The following ATF7 variants were observed in gnomAD, a reference collection of about 807,000 sequenced individuals.
The protein encoded by ATF7 is activating transcription factor 7, also known as cyclic AMP-dependent transcription factor ATF-7.
ATF7 carries 10 observed loss-of-function variants against 50.4 expected under a neutral mutation model. The ratio of observed to expected loss-of-function variants is 0.20; its 90% CI spans 0.12 to 0.34. The LOEUF is 0.34. ATF7 is among the 10% of genes least tolerant of loss of function. ATF7 has a pLI of 1.00. For synonymous variants in ATF7, 201 were observed against 226.4 expected, an observed-to-expected ratio of 0.89 and a Z score of 1.01; for missense variants, 465 against 613.9, an observed-to-expected ratio of 0.76 and a Z score of 2.56.
chr12:53,619,486 CA>C (rs112474373), intron 1 of ATF7, among the ~76,000 whole-genome samples: 123 of 64,044 alleles, frequency 1.9e-3, no homozygotes, highest in South Asian at 2.5e-3. Flanking sequence ...GACTCCGTGT[CA>C]AAAAAAAAAA....
At chr12:53,605,309 A>C (rs1943557079) in intron 1 of ATF7, among the ~76,000 whole-genome samples, 1 of 151,360 alleles carries the variant, frequency 6.6e-6, no homozygotes. Flanking sequence ...GAATTGCTTG[A>C]ACCCAGGAGG....
intron 2 of ATF7, among the ~76,000 whole-genome samples, chr12:53,570,545 G>C (rs1941689666): frequency 6.6e-6 from 1 of 152,138 alleles, no homozygotes; most frequent in South Asian, 2.1e-4. Flanking sequence ...CAACATACCA[G>C]GTGGCTTAAA....
At chr12:53,588,604 C>A (rs1249044966) in intron 2 of ATF7, among the ~76,000 whole-genome samples, 1 of 152,140 alleles carries the variant, frequency 6.6e-6, no homozygotes, top group Non-Finnish European at 1.5e-5. Context: ...GGGCATAAAA[C>A]TAAGGCGAGA....
intron 3 of ATF7, among the ~76,000 whole-genome samples, chr12:53,550,521 G>A (rs1463061687): frequency 6.6e-6 from 1 of 151,934 alleles, no homozygotes; most frequent in African/African-American, 2.4e-5. Flanking sequence ...AGACTTTGGA[G>A]GAATCCAAGC....
At chr12:53,526,416 C>T (rs1555216428) in intron 9 of ATF7, among the ~76,000 whole-genome samples, 30 of 151,888 alleles carry the variant, frequency 2.0e-4, no homozygotes. Context: ...AATATATTGT[C>T]TCTTCCTTAT....
intron 2 of ATF7, among the ~76,000 whole-genome samples, chr12:53,560,262 T>C (rs755496738): frequency 2.0e-5 from 3 of 151,982 alleles, no homozygotes; most frequent in East Asian, 1.9e-4. Flanking sequence ...ACAGGTATTA[T>C]AGTAAAAAAG....
chr12:53,535,751 AT>A (rs1307244459), intron 5 of ATF7, among the ~76,000 whole-genome samples: 1 of 152,124 alleles, frequency 6.6e-6, no homozygotes, highest in East Asian at 1.9e-4. Flanking sequence ...CTAGGATGAC[AT>A]TTTTTCGAAA....
intron 2 of ATF7, among the ~76,000 whole-genome samples, chr12:53,573,858 TG>T (rs1941909517): frequency 6.6e-6 from 1 of 152,082 alleles, no homozygotes; most frequent in Non-Finnish European, 1.5e-5. Context: ...CCCATCCAAG[TG>T]GGGAAAAGAA....
rs757255071 is a variant in ATF7 at position 53,515,145 on chromosome 12, G to A, written c.*1992C>T. 1.1e-4 allele frequency: 17 copies of A among 152,186 alleles called. No individual in the cohort carries two copies. The highest frequency in any genetic ancestry group is 3.1e-4 in the African/African-American group (13 of 41,422). The allele number at this position is 152,186 out of a possible 1,614,324, so 9.4% of individuals were successfully genotyped here. A position where few individuals can be genotyped will look rare whatever the true frequency, so the allele number is the denominator to read the frequency against. The stretch of plus-strand genomic sequence containing the variant: ...CCTGATGGTAGAGGATGAGAAAACC[G>A]TGTTTTCTCTCCTTTGTCTTTAGGG... On this transcript the variant is annotated 3_prime_UTR_variant, in exon 12 of 12. Transcript: ENST00000420353.
intron 11 of ATF7, 59 bp from the exon 12 acceptor site, chr12:53,517,413 G>C: frequency 6.7e-7 from 1 of 1,484,818 alleles, no homozygotes. Context: ...AATGGGGAAA[G>C]AGGCAGGACT....
chr12:53,570,687 T>C (rs1426543574), intron 2 of ATF7, among the ~76,000 whole-genome samples: 2 of 152,054 alleles, frequency 1.3e-5, no homozygotes, highest in Admixed American at 6.6e-5. Context: ...TGGCATTCCT[T>C]GACTTGTGGC....
In ATF7 at chr12:53,516,996, A is replaced by G. The variant is rs919875507; in HGVS notation, c.*141T>C. The G allele has an allele frequency of 3.0e-5, 28 of 941,076 alleles. No individual in the cohort carries two copies. Among genetic ancestry groups the G allele is most frequent in the Non-Finnish European group, 4.3e-5 (27 of 622,340 alleles). 58.3% of individuals were successfully genotyped at this position (941,076 alleles called of 1,614,324 possible). ...CATGACCACATGGCTAAAAAGCCCC[A>G]TATCTGTCCATTACTCACAACACAC... On this transcript the variant is annotated 3_prime_UTR_variant, in exon 12 of 12. Coordinates refer to ENST00000420353, the MANE Select transcript of ATF7 (RefSeq NM_006856.3).
intron 2 of ATF7, among the ~76,000 whole-genome samples, chr12:53,566,432 T>C (rs1361377355): frequency 6.6e-6 from 1 of 152,192 alleles, no homozygotes; most frequent in Non-Finnish European, 1.5e-5. Flanking sequence ...ATGCAGCTGG[T>C]ATTAAACCTG....
intron 2 of ATF7, among the ~76,000 whole-genome samples, chr12:53,568,604 T>C (rs1355312623): frequency 6.6e-6 from 1 of 152,196 alleles, no homozygotes; most frequent in Non-Finnish European, 1.5e-5. Context: ...AACCATAAAC[T>C]GGTCAAGTGC....
At chr12:53,519,475 G>A (rs571114276) in intron 11 of ATF7, among the ~76,000 whole-genome samples, 1 of 152,126 alleles carries the variant, frequency 6.6e-6, no homozygotes, top group East Asian at 1.9e-4. Context: ...ACAGAGGTGG[G>A]CAGATCACAT....
intron 2 of ATF7, among the ~76,000 whole-genome samples, chr12:53,579,242 T>TCAAAAAAAAAAA: frequency 2.0e-5 from 3 of 150,176 alleles, no homozygotes. Flanking sequence ...AGACTCCATC[T>TCAAAAAAAAAAA]TAAAAAAAAG....
intron 1 of ATF7, among the ~76,000 whole-genome samples, chr12:53,609,742 G>A (rs543953650): frequency 6.7e-6 from 1 of 150,360 alleles, no homozygotes; most frequent in Non-Finnish European, 1.5e-5. Flanking sequence ...TAAATCAAAT[G>A]TCCCAAAAGG....
chr12:53,579,507 G>A (rs183279394), intron 2 of ATF7, among the ~76,000 whole-genome samples: 48 of 150,318 alleles, frequency 3.2e-4, no homozygotes, highest in African/African-American at 1.1e-3. Context: ...AGCTGAGATC[G>A]TGCCACTGCA....
intron 6 of ATF7, among the ~76,000 whole-genome samples, 191 bp downstream of exon 6, chr12:53,534,311 C>T (rs1939092964): frequency 6.6e-6 from 1 of 151,886 alleles, no homozygotes; most frequent in Non-Finnish European, 1.5e-5. Flanking sequence ...GTATTACCTC[C>T]AAATAAATAT....
Sources: gnomAD v4.1 joint callset for allele counts (sites outside exome capture counted in the v4.1 genomes callset) on GRCh38, gnomAD v4.1.1 for gene constraint, MANE v1.5 for transcripts, NCBI Gene and HGNC (gene_info 2026-07-23, HGNC 2026-07-21) for gene names.